The following RTN3 variants were observed in gnomAD, a reference collection of about 807,000 sequenced individuals.
RTN3 encodes the protein reticulon 3, also known as reticulon-3.
In RTN3, 49 loss-of-function variants were observed where a neutral mutation model predicts 77.8. That is an observed-to-expected ratio of 0.63 (90% CI 0.50 to 0.80). The LOEUF is 0.80. Among genes scored for constraint, RTN3 ranks in the 30% least tolerant of loss-of-function variants. The pLI, the probability that RTN3 is intolerant of heterozygous loss-of-function variation, is 0.00. For missense variants in RTN3, 1,236 were observed against 1,211.9 expected (o/e 1.02, Z -0.29); for synonymous variants, 464 against 446.9 (o/e 1.04, Z -0.48).
Position 63,728,177 on chromosome 11 carries a change from C to T in RTN3, c.2530+7145C>T, listed in dbSNP as rs75564362. Reference sequence around the variant, plus strand: ...TTGAATGGAGTCATACAGGGATGTACTTAATTCTTTTACAGTGATGCGTGA... The same window carrying T: ...TTGAATGGAGTCATACAGGGATGTATTTAATTCTTTTACAGTGATGCGTGA... On this transcript the variant is annotated intron_variant, in intron 3 of 8. Transcript: ENST00000377819. Among the ~76,000 whole-genome samples, 391 of 152,254 alleles carry T rather than the reference C, an allele frequency of 2.6e-3. 4 individuals carry two copies. Among genetic ancestry groups the T allele is most frequent in the African/African-American group, 8.1e-3 (337 of 41,558 alleles).
At position 63,683,943 on chromosome 11, in the gene RTN3, C is replaced by CTTTTTTTTTTTTTTTTTTTTTTTTTTTTT. The variant is rs35837590; in HGVS notation, c.142+2166_142+2194dup. Among the ~76,000 whole-genome samples, 9 of 58,948 alleles carry CTTTTTTTTTTTTTTTTTTTTTTTTTTTTT rather than the reference C, an allele frequency of 1.5e-4. 1 individual carries two copies. Among genetic ancestry groups the CTTTTTTTTTTTTTTTTTTTTTTTTTTTTT allele is most frequent in the African/African-American group, 6.0e-4 (8 of 13,352 alleles). The allele number at this position is 58,948 out of a possible 152,430, so 38.7% of individuals were successfully genotyped here. ...TATTTCTTTCTCTTTTCTTTTCTTT[C>CTTTTTTTTTTTTTTTTTTTTTTTTTTTTT]TTTTTTTTTTTTTTTTTTTTTTTTT... On this transcript the variant is annotated intron_variant, in intron 1 of 8. Coordinates refer to ENST00000377819, the MANE Select transcript of RTN3 (RefSeq NM_001265589.2).
intron 1 of RTN3, among the ~76,000 whole-genome samples, chr11:63,697,474 T>TTAG (rs1199747118): frequency 6.7e-6 from 1 of 150,052 alleles, no homozygotes; most frequent in Non-Finnish European, 1.5e-5. Context: ...CAGCTCATTA[T>TTAG]TATTATTATT....
At chr11:63,745,906 G>T (rs2013766533) in intron 3 of RTN3, among the ~76,000 whole-genome samples, 1 of 152,194 alleles carries the variant, frequency 6.6e-6, no homozygotes, top group African/African-American at 2.4e-5. Context: ...CGCCTCCCAG[G>T]TTCAAGTGAT....
intron 1 of RTN3, chr11:63,698,811 A>G (rs1177275272): frequency 6.0e-6 from 1 of 167,518 alleles, no homozygotes; most frequent in Admixed American, 6.5e-5. Flanking sequence ...AAACTTCTGT[A>G]TTTCTTCCTG....
intron 3 of RTN3, among the ~76,000 whole-genome samples, chr11:63,727,250 A>G (rs988638513): frequency 3.9e-5 from 6 of 152,254 alleles, no homozygotes; most frequent in African/African-American, 1.4e-4. Context: ...TGGAATTTGT[A>G]CAGCATAATA....
intron 3 of RTN3, among the ~76,000 whole-genome samples, chr11:63,747,266 T>G (rs2013853229): frequency 6.6e-6 from 1 of 152,240 alleles, no homozygotes; most frequent in Non-Finnish European, 1.5e-5. Context: ...CTAAGCCTTC[T>G]GTGTTGAAAC....
intron 1 of RTN3, among the ~76,000 whole-genome samples, chr11:63,691,942 C>T (rs1049516010): frequency 1.3e-5 from 2 of 152,150 alleles, no homozygotes; most frequent in Admixed American, 6.6e-5. Context: ...CTTCCTGTTA[C>T]ACTCCGTAAA....
rs1190716962 is a variant in RTN3, at chr11:63,759,790, G to T, written c.*1589G>T. ...TGAAACTGTGTGTACGTGTCTGTGC[G>T]TGCAACATAAAAATACAGTAGCACC... is the stretch of plus-strand genomic sequence containing the variant. On this transcript the variant is annotated 3_prime_UTR_variant, in exon 9 of 9. Transcript: ENST00000377819. The T allele has an allele frequency of 6.7e-6, 1 of 149,930 alleles. No homozygotes were observed. Among genetic ancestry groups the T allele is most frequent in the Non-Finnish European group, 1.5e-5 (1 of 67,730 alleles). The allele number at this position is 149,930 out of a possible 1,614,324, so 9.3% of individuals were successfully genotyped here.
intron 2 of RTN3, among the ~76,000 whole-genome samples, chr11:63,715,004 T>C (rs2011312307): frequency 6.6e-6 from 1 of 152,238 alleles, no homozygotes; most frequent in South Asian, 2.1e-4. Context: ...GACCAGTTTG[T>C]GTCCTGCTAA....
intron 1 of RTN3, among the ~76,000 whole-genome samples, chr11:63,694,349 T>C (rs919944164): frequency 6.6e-6 from 1 of 152,106 alleles, no homozygotes; most frequent in Non-Finnish European, 1.5e-5. Context: ...GCTAATTTTG[T>C]ATTTTTAGTA....
rs758133249 is a variant in RTN3, at chr11:63,719,797, G to T, written c.1295G>T (p.Ser432Ile). 6.2e-7 allele frequency: 1 copy of T among 1,614,162 alleles called. No homozygotes were observed. The highest frequency in any genetic ancestry group is 8.5e-7 in the Non-Finnish European group (1 of 1,180,038). The change falls in exon 3 of 9, where the codon AGT (serine) becomes ATT (isoleucine). Residue 432 changes from serine (S) to isoleucine (I), a missense_variant. Physicochemically the swap from Ser to Ile is moderately radical, Grantham distance 142 (BLOSUM62 -2). Around this residue, in one of 3 missense-constraint regions of RTN3, gnomAD observed 1,056 missense variants for 990.4 expected, o/e 1.07. Coordinates refer to ENST00000377819, the MANE Select transcript of RTN3 (RefSeq NM_001265589.2). The part of the protein sequence containing the change: ...PDSLNSTKEF[S>I]IKGVQGNMQK... ...TCTTTGAATTCCACAAAAGAATTCAGTATCAAAGGTGTGCAAGGCAATATG... is the reference window on the plus strand; with the variant it reads ...TCTTTGAATTCCACAAAAGAATTCATTATCAAAGGTGTGCAAGGCAATATG...
chr11:63,715,824 G>C (rs938018779), intron 2 of RTN3, among the ~76,000 whole-genome samples: 1 of 152,304 alleles, frequency 6.6e-6, no homozygotes, highest in Admixed American at 6.5e-5. Context: ...TGACTAGTAA[G>C]TTCAGTAACA....
Position 63,734,781 on chromosome 11 carries a change from A to ACACACCCC in RTN3, c.2530+13750_2530+13751insACACCCCC, listed in dbSNP as rs778043704. On this transcript the variant is annotated intron_variant, in intron 3 of 8. Transcript: ENST00000377819. Reference sequence around the variant, plus strand: ...CACACACACACACACACACACACACACCATACTGGAGGTCCTAGCCACTGA... The same window carrying ACACACCCC: ...CACACACACACACACACACACACACACACACCCCCCATACTGGAGGTCCTAGCCACTGA... Among the ~76,000 whole-genome samples the ACACACCCC allele has an allele frequency of 1.7e-3, 177 of 105,060 alleles. 1 individual carries two copies. Among genetic ancestry groups the ACACACCCC allele is most frequent in the Non-Finnish European group, 3.1e-3 (155 of 49,504 alleles). The allele number at this position is 105,060 out of a possible 152,430, so 68.9% of individuals were successfully genotyped here.
intron 4 of RTN3, among the ~76,000 whole-genome samples, chr11:63,751,261 A>G (rs960226859): frequency 2.0e-5 from 3 of 152,220 alleles, no homozygotes; most frequent in African/African-American, 7.2e-5. Context: ...AATCCCCCAC[A>G]TAGGTAAGAC....
At chr11:63,687,384 A>G (rs1941428617) in intron 1 of RTN3, among the ~76,000 whole-genome samples, 1 of 152,222 alleles carries the variant, frequency 6.6e-6, no homozygotes, top group Admixed American at 6.5e-5. Flanking sequence ...TGGGAGGCCA[A>G]GGCGGGTGGA....
chr11:63,698,823 A>G (rs1942092174), intron 1 of RTN3: 1 of 166,018 alleles, frequency 6.0e-6, no homozygotes, highest in African/African-American at 2.4e-5. Flanking sequence ...TTCTTCCTGG[A>G]TGAAGGTATT....
chr11:63,735,605 T>TCTC (rs1367361695), intron 3 of RTN3, among the ~76,000 whole-genome samples: 1 of 149,236 alleles, frequency 6.7e-6, no homozygotes, highest in African/African-American at 2.5e-5. Context: ...TCTCTCTTTC[T>TCTC]TTCAACCCCT....
intron 2 of RTN3, among the ~76,000 whole-genome samples, chr11:63,711,363 G>A (rs2011156015): frequency 6.6e-6 from 1 of 151,308 alleles, no homozygotes; most frequent in Non-Finnish European, 1.5e-5. Context: ...GGGGTTTTTG[G>A]TTTTGTTTTT....
intron 3 of RTN3, among the ~76,000 whole-genome samples, chr11:63,730,923 A>G (rs1277617437): frequency 6.6e-6 from 1 of 152,208 alleles, no homozygotes; most frequent in Non-Finnish European, 1.5e-5. Flanking sequence ...TCTGAACAGT[A>G]CAATCAATGA....
Sources: allele counts gnomAD v4.1 joint callset (sites outside exome capture counted in the v4.1 genomes callset), GRCh38; gene constraint gnomAD v4.1.1; regional missense constraint gnomAD v4.1.1; transcripts MANE v1.5; gene names NCBI Gene and HGNC (gene_info 2026-07-23, HGNC 2026-07-21).